PPP1R8: variants seen among roughly 807,000 people sequenced by gnomAD.
PPP1R8 encodes the protein protein phosphatase 1 regulatory subunit 8.
PPP1R8 carries 4 observed loss-of-function variants against 31.3 expected under a neutral mutation model. That is an observed-to-expected ratio of 0.13 (90% CI 0.06 to 0.29). The LOEUF (loss-of-function observed/expected upper bound fraction) is 0.29. Ranked by LOEUF, PPP1R8 falls within the 10% of genes least tolerant of loss-of-function variation. The pLI is 1.00. For synonymous variants in PPP1R8, 170 were observed against 169.7 expected, an observed-to-expected ratio of 1.00 and a Z score of -0.01; for missense variants, 254 against 440.1, an observed-to-expected ratio of 0.58 and a Z score of 3.78.
intron 2 of PPP1R8, chr1:27,834,344 C>T (rs2089140835): frequency 2.0e-6 from 1 of 490,924 alleles, no homozygotes; most frequent in Non-Finnish European, 4.0e-6. Context: ...TTAGACATCA[C>T]TGTATTCTTG....
chr1:27,838,113 A>G (rs989457149), intron 2 of PPP1R8, among the ~76,000 whole-genome samples: 5 of 151,538 alleles, frequency 3.3e-5, no homozygotes, highest in Non-Finnish European at 7.4e-5. Context: ...TGGGAGGCTG[A>G]GGCAGGAGAA....
In PPP1R8 at chr1:27,850,239, G is replaced by A. The variant is rs2089328834; in HGVS notation, c.849G>A (p.Gly283=). The A allele has an allele frequency of 6.2e-7, 1 of 1,614,118 alleles. No individual in the cohort carries two copies. The highest frequency in any genetic ancestry group is 8.5e-7 in the Non-Finnish European group (1 of 1,180,044). Residue 283 remains glycine, a synonymous_variant, in exon 7 of 7, where the codon GGG becomes GGA. Transcript: ENST00000311772. ...EAGSQPHGIH[G]TALIGGLPMP... ...GCTCCCAGCCACATGGCATCCATGG[G>A]ACAGCACTCATCGGTGGCTTGCCCA...
chr1:27,835,441 T>C (rs1202467292), intron 2 of PPP1R8, among the ~76,000 whole-genome samples: 1 of 152,164 alleles, frequency 6.6e-6, no homozygotes, highest in Non-Finnish European at 1.5e-5. Context: ...GACATGAAGG[T>C]GACTGACTGA....
intron 1 of PPP1R8, among the ~76,000 whole-genome samples, chr1:27,831,534 C>T (rs2089107414): frequency 6.6e-6 from 1 of 152,090 alleles, no homozygotes; most frequent in Non-Finnish European, 1.5e-5. Context: ...TATGAATTAC[C>T]TTACAAGGAA....
chr1:27,835,905 A>G (rs1046646364), intron 2 of PPP1R8, among the ~76,000 whole-genome samples: 26 of 152,352 alleles, frequency 1.7e-4, no homozygotes, highest in African/African-American at 6.0e-4. Flanking sequence ...TGTGAGGATG[A>G]AATGATATAA....
Position 27,850,471 on chromosome 1 carries a change from GGATTGGGTGGGAATGGGGTGGAAGGGT to G in PPP1R8, c.*29_*55del. On this transcript the variant is annotated 3_prime_UTR_variant, in exon 7 of 7. Coordinates refer to ENST00000311772, the MANE Select transcript of PPP1R8 (RefSeq NM_014110.5). ...ATATTTTTGGTCATGGAGAAGGGTG[GGATTGGGTGGGAATGGGGTGGAAGGGT>G]GATGGGGAGCTAATGAACTAGGGAG... 1.6e-6 allele frequency: 1 copy of G among 639,392 alleles called. No individual in the cohort carries two copies. Among genetic ancestry groups the G allele is most frequent in the Non-Finnish European group, 2.7e-6 (1 of 370,172 alleles). 39.6% of individuals were successfully genotyped at this position (639,392 alleles called of 1,614,324 possible).
chr1:27,836,181 T>C (rs2089163409), intron 2 of PPP1R8, among the ~76,000 whole-genome samples: 1 of 152,234 alleles, frequency 6.6e-6, no homozygotes, highest in Non-Finnish European at 1.5e-5. Flanking sequence ...AACTAGCGTT[T>C]AATGAGACCT....
At chr1:27,849,856 A>G (rs191947490) in intron 6 of PPP1R8, among the ~76,000 whole-genome samples, 29 of 152,336 alleles carry the variant, frequency 1.9e-4, no homozygotes, top group African/African-American at 7.0e-4. Flanking sequence ...AGGATGGTGA[A>G]AACTTTGTTA....
intron 4 of PPP1R8, among the ~76,000 whole-genome samples, chr1:27,842,195 A>G (rs532979381): frequency 6.2e-4 from 95 of 152,214 alleles, no homozygotes; most frequent in South Asian, 6.2e-3. Context: ...ACAAAAAATT[A>G]GCTGGGTGTG....
intron 5 of PPP1R8, among the ~76,000 whole-genome samples, chr1:27,846,117 C>T (rs1419310679): frequency 6.6e-6 from 1 of 152,138 alleles, no homozygotes; most frequent in Admixed American, 6.6e-5. Flanking sequence ...TAACAAGCAA[C>T]CTCATTGAAA....
chr1:27,850,233 C>G lies in PPP1R8; in HGVS notation c.843C>G (p.Ile281Met). Reference protein sequence around the residue: ...HSEAGSQPHGIHGTALIGGLP... With the variant: ...HSEAGSQPHGMHGTALIGGLP... ...AAGCAGGCTCCCAGCCACATGGCAT[C>G]CATGGGACAGCACTCATCGGTGGCT... Residue 281 changes from isoleucine to methionine, a missense_variant, in exon 7 of 7, where the codon ATC becomes ATG. By Grantham distance (10) the Ile-to-Met change is conservative. Around this residue, in one of 6 missense-constraint regions of PPP1R8, gnomAD observed 105 missense variants for 128.0 expected, o/e 0.82. Transcript: ENST00000311772. The G allele has an allele frequency of 1.2e-6, 2 of 1,614,234 alleles. No homozygotes were observed. Among genetic ancestry groups the G allele is most frequent in the Non-Finnish European group, 1.7e-6 (2 of 1,180,044 alleles).
At chr1:27,847,545 A>C (rs2089297431) in intron 6 of PPP1R8, among the ~76,000 whole-genome samples, 1 of 151,876 alleles carries the variant, frequency 6.6e-6, no homozygotes, top group South Asian at 2.1e-4. Flanking sequence ...ATCCTGGCCA[A>C]CATGTTGAAA....
intron 1 of PPP1R8, among the ~76,000 whole-genome samples, chr1:27,831,632 C>T (rs1326414940): frequency 2.0e-5 from 3 of 152,192 alleles, no homozygotes; most frequent in Non-Finnish European, 4.4e-5. Context: ...GTATTGCCAT[C>T]CTCAAGGGCA....
At chr1:27,844,398 G>A (rs573880307) in intron 5 of PPP1R8, among the ~76,000 whole-genome samples, 7 of 151,092 alleles carry the variant, frequency 4.6e-5, no homozygotes, top group South Asian at 2.1e-4. Flanking sequence ...ACGCAATCTC[G>A]GCTCATGCAA....
intron 5 of PPP1R8, among the ~76,000 whole-genome samples, chr1:27,845,893 C>T (rs2089275240): frequency 6.7e-6 from 1 of 150,002 alleles, no homozygotes; most frequent in African/African-American, 2.5e-5. Context: ...GGGTTCACGC[C>T]ATTCTCCTGC....
At chr1:27,834,504 C>G (rs2089142777) in intron 2 of PPP1R8, 2 of 519,030 alleles carry the variant, frequency 3.9e-6, no homozygotes, top group Non-Finnish European at 7.7e-6. Context: ...AAAACAAAAG[C>G]CATGAGTCTT....
At chr1:27,844,504 A>G (rs528145152) in intron 5 of PPP1R8, among the ~76,000 whole-genome samples, 8 of 150,102 alleles carry the variant, frequency 5.3e-5, no homozygotes, top group African/African-American at 2.0e-4. Context: ...ATTTTTTTGT[A>G]TTTTTAGTAG....
Position 27,850,355 on chromosome 1 carries a change from A to G in PPP1R8, c.965A>G (p.Tyr322Cys). Residue 322 changes from tyrosine to cysteine, a missense_variant, in exon 7 of 7, where the codon TAT (tyrosine) becomes TGT (cysteine). Coordinates refer to ENST00000311772, the MANE Select transcript of PPP1R8 (RefSeq NM_014110.5). ...AACCCTGCACCAAACCCTGCAGTCT[A>G]TAACCCTGAAGCTGTAAATGAACCC... The part of the protein sequence containing the change: ...NMNPAPNPAV[Y>C]NPEAVNEPKK... 3 of 1,614,190 alleles carry G rather than the reference A, an allele frequency of 1.9e-6. No individual in the cohort carries two copies. The highest frequency in any genetic ancestry group is 1.1e-5 in the South Asian group (1 of 91,080).
Position 27,844,884 on chromosome 1 carries a change from ATT to A in PPP1R8, c.637+1583_637+1584del, listed in dbSNP as rs765514573. Among the ~76,000 whole-genome samples, 22 of 72,372 alleles carry A rather than the reference ATT, an allele frequency of 3.0e-4. No homozygotes were observed. In the East Asian group the frequency reaches 3.5e-3, roughly 12 times the overall value. The allele number at this position is 72,372 out of a possible 152,430, so 47.5% of individuals were successfully genotyped here. ...AGGCGCCCGCCACCATGCCCGACTA[ATT>A]TTTTTTTTTTTTTTTTTTTTTTTTT... On this transcript the variant is annotated intron_variant, in intron 5 of 6. Transcript: ENST00000311772.
Sources: gnomAD v4.1 joint callset for allele counts (sites outside exome capture counted in the v4.1 genomes callset) on GRCh38, gnomAD v4.1.1 for gene constraint, gnomAD v4.1.1 regional missense constraint, MANE v1.5 for transcripts, NCBI Gene and HGNC (gene_info 2026-07-23, HGNC 2026-07-21) for gene names.